Variants in ANKS1B observed in about 807,000 individuals in gnomAD.
The protein encoded by ANKS1B is ankyrin repeat and sterile alpha motif domain-containing protein 1B.
In ANKS1B, 36 loss-of-function variants were observed where a neutral mutation model predicts 148.3. The ratio of observed to expected loss-of-function variants is 0.24; its 90% CI spans 0.19 to 0.32. The LOEUF (loss-of-function observed/expected upper bound fraction) is 0.32. ANKS1B is among the 10% of genes least tolerant of loss of function. ANKS1B has a pLI of 1.00. For synonymous variants in ANKS1B, 542 were observed against 560.8 expected (o/e 0.97, Z 0.47); for missense variants, 1,157 against 1,542.6 (o/e 0.75, Z 4.19).
At chr12:99,474,148 C>T (rs1004626590) in intron 10 of ANKS1B, among the ~76,000 whole-genome samples, 3 of 152,002 alleles carry the variant, frequency 2.0e-5, no homozygotes, top group Non-Finnish European at 4.4e-5. Context: ...TCTGTTTTCA[C>T]GCAGAGATTA....
chr12:99,298,256 C>T (rs944792434), intron 12 of ANKS1B, among the ~76,000 whole-genome samples: 63 of 152,294 alleles, frequency 4.1e-4, no homozygotes, highest in African/African-American at 1.3e-3. Context: ...CCAAATCTCA[C>T]GTTGAATTGT....
chr12:98,860,198 C>A (rs1260705346), intron 17 of ANKS1B, among the ~76,000 whole-genome samples: 1 of 152,236 alleles, frequency 6.6e-6, no homozygotes, highest in Non-Finnish European at 1.5e-5. Context: ...CATCCTTTCA[C>A]ACCTGGATGC....
chr12:98,757,809 A>AGAT (rs2098288410), intron 25 of ANKS1B, among the ~76,000 whole-genome samples: 1 of 152,200 alleles, frequency 6.6e-6, no homozygotes, highest in African/African-American at 2.4e-5. Context: ...GCTCATTGGA[A>AGAT]GATACTTGCT....
intron 13 of ANKS1B, 135 bp downstream of exon 13, chr12:99,246,140 C>T: frequency 3.1e-6 from 2 of 635,152 alleles, no homozygotes; most frequent in Non-Finnish European, 5.2e-6. Context: ...CCCACAGAAC[C>T]ATTTCATTCC....
rs542568859 is a variant in ANKS1B at position 98,842,221 on chromosome 12, C to A, written c.2779-10085G>T. Among the ~76,000 whole-genome samples the A allele has an allele frequency of 9.9e-5, 15 of 152,258 alleles. No individual in the cohort carries two copies. The South Asian group carries it at 3.1e-3, about 32-fold the overall frequency. On this transcript the variant is annotated intron_variant, in intron 17 of 26. Coordinates refer to ENST00000683438, the MANE Select transcript of ANKS1B (RefSeq NM_001352186.2). ...ATAAGTAAAATACAGTATATTCATG[C>A]AACAAAATACTGCCTAATGATACAA...
At chr12:99,157,395 T>TG (rs1453512490) in intron 14 of ANKS1B, among the ~76,000 whole-genome samples, 1 of 152,220 alleles carries the variant, frequency 6.6e-6, no homozygotes, top group Non-Finnish European at 1.5e-5. Flanking sequence ...ACATGCTGAT[T>TG]GGCCAGCTCT....
At position 98,827,751 on chromosome 12, in the gene ANKS1B, T is replaced by A. The variant is rs1023018968; in HGVS notation, c.3066+1423A>T. On this transcript the variant is annotated intron_variant, in intron 19 of 26. Transcript: ENST00000683438. ...GCTATACTGCGGTTGACACAGTCAA[T>A]AATAGCTAATGCTCATTAAAGAACT... is the stretch of plus-strand genomic sequence containing the variant. 2.6e-5 allele frequency among the ~76,000 whole-genome samples: 4 copies of A among 152,298 alleles called. No homozygotes were observed. In the South Asian group the frequency reaches 8.3e-4, roughly 32 times the overall value.
intron 17 of ANKS1B, among the ~76,000 whole-genome samples, chr12:98,977,570 G>A (rs1008471039): frequency 2.0e-5 from 3 of 152,028 alleles, no homozygotes; most frequent in Non-Finnish European, 2.9e-5. Flanking sequence ...CTGATTTCAC[G>A]CTTAGAAATC....
chr12:99,055,141 A>G (rs987398712), intron 16 of ANKS1B, among the ~76,000 whole-genome samples: 1 of 152,230 alleles, frequency 6.6e-6, no homozygotes, highest in Non-Finnish European at 1.5e-5. Flanking sequence ...CGGTAGCTTC[A>G]TATTCTATAG....
Position 99,257,413 on chromosome 12 carries a change from T to C in ANKS1B, c.1757-10549A>G, listed in dbSNP as rs78336532. Reference sequence around the variant, plus strand: ...CTTCAGTTCATCAATTTTCTCTTCTTCTGTGCATAATCTGCTATTTAGCCT... The same window carrying C: ...CTTCAGTTCATCAATTTTCTCTTCTCCTGTGCATAATCTGCTATTTAGCCT... On this transcript the variant is annotated intron_variant, in intron 12 of 26. Transcript: ENST00000683438. Among the ~76,000 whole-genome samples, 299 of 152,280 alleles carry C rather than the reference T, an allele frequency of 2.0e-3. 3 individuals carry two copies. Among genetic ancestry groups the C allele is most frequent in the African/African-American group, 6.9e-3 (288 of 41,566 alleles).
chr12:99,146,342 A>G (rs2073068170), intron 15 of ANKS1B, among the ~76,000 whole-genome samples: 1 of 152,180 alleles, frequency 6.6e-6, no homozygotes, highest in Admixed American at 6.5e-5. Context: ...GTGGGTGCAC[A>G]GAGGAGGGAC....
chr12:99,893,530 C>T (rs7297380), intron 1 of ANKS1B, among the ~76,000 whole-genome samples: 34,885 of 151,760 alleles, frequency 0.23, 4,122 homozygotes, highest in African/African-American at 0.25. Context: ...CTATATGTTA[C>T]CTCTTGGGAG....
chr12:99,146,249 GA>G (rs2073035750), intron 15 of ANKS1B, among the ~76,000 whole-genome samples: 1 of 152,134 alleles, frequency 6.6e-6, no homozygotes, highest in African/African-American at 2.4e-5. Context: ...CTGTTAGGGG[GA>G]TGGGGAAGCA....
chr12:99,788,562 C>T (rs999492857), intron 4 of ANKS1B, among the ~76,000 whole-genome samples: 29 of 152,300 alleles, frequency 1.9e-4, no homozygotes, highest in African/African-American at 7.0e-4. Context: ...CGGTGAACAA[C>T]TTCTTCTGTT....
chr12:98,921,283 A>G (rs879580779), intron 17 of ANKS1B, among the ~76,000 whole-genome samples: 3 of 152,180 alleles, frequency 2.0e-5, no homozygotes, highest in Non-Finnish European at 2.9e-5. Flanking sequence ...TACAGGTGAT[A>G]AAGCAGCAGT....
chr12:99,287,222 G>A (rs115553838), intron 12 of ANKS1B, among the ~76,000 whole-genome samples: 2,338 of 152,246 alleles, frequency 0.015, 66 homozygotes, highest in African/African-American at 0.053. Flanking sequence ...GACTCCATTT[G>A]TTTGGAGGAA....
chr12:99,095,911 T>C (rs987853864), intron 15 of ANKS1B, among the ~76,000 whole-genome samples: 2 of 152,246 alleles, frequency 1.3e-5, no homozygotes, highest in Non-Finnish European at 2.9e-5. Flanking sequence ...CTCTGGATTT[T>C]GGTTTCTATT....
At chr12:99,102,770 G>T (rs1009780612) in intron 15 of ANKS1B, among the ~76,000 whole-genome samples, 2 of 151,630 alleles carry the variant, frequency 1.3e-5, no homozygotes, top group African/African-American at 4.8e-5. Flanking sequence ...AAAAGAATAG[G>T]AGACTCTTAG....
chr12:99,161,462 A>C (rs1165229699), intron 14 of ANKS1B, among the ~76,000 whole-genome samples: 1 of 152,118 alleles, frequency 6.6e-6, no homozygotes, highest in Non-Finnish European at 1.5e-5. Context: ...GCAGTGAGCT[A>C]TGATTGCACC....
Sources: allele counts gnomAD v4.1 joint callset (sites outside exome capture counted in the v4.1 genomes callset), GRCh38; gene constraint gnomAD v4.1.1; transcripts MANE v1.5; gene names NCBI Gene and HGNC (gene_info 2026-07-23, HGNC 2026-07-21).